MDGA2: variants seen among roughly 807,000 people sequenced by gnomAD.
MDGA2 encodes MAM domain-containing glycosylphosphatidylinositol anchor protein 2.
MDGA2 carries 40 observed loss-of-function variants against 117.8 expected under a neutral mutation model. The ratio of observed to expected loss-of-function variants is 0.34; its 90% CI spans 0.26 to 0.44. The LOEUF (loss-of-function observed/expected upper bound fraction) is 0.44. MDGA2 is among the 20% of genes least tolerant of loss of function. The pLI is 1.00. For synonymous variants in MDGA2, 452 were observed against 439.0 expected (o/e 1.03, Z -0.37); for missense variants, 1,123 against 1,250.6 (o/e 0.90, Z 1.54).
At chr14:47,287,140 G>C (rs535106380) in intron 2 of MDGA2, among the ~76,000 whole-genome samples, 2 of 152,114 alleles carry the variant, frequency 1.3e-5, no homozygotes, top group South Asian at 4.2e-4. Context: ...AGTGGAGACA[G>C]TAGAATTTAA....
intron 1 of MDGA2, among the ~76,000 whole-genome samples, chr14:47,418,916 T>C (rs1892525272): frequency 6.6e-6 from 1 of 152,174 alleles, no homozygotes; most frequent in Non-Finnish European, 1.5e-5. Flanking sequence ...ACTCTATGAA[T>C]TCTGGTGACA....
intron 1 of MDGA2, among the ~76,000 whole-genome samples, chr14:47,489,772 A>T (rs942956315): frequency 1.3e-5 from 2 of 152,082 alleles, no homozygotes; most frequent in African/African-American, 4.8e-5. Context: ...AGAGCTGGGT[A>T]GCACTTGGTT....
intron 1 of MDGA2, among the ~76,000 whole-genome samples, chr14:47,510,060 G>T (rs8019551): frequency 6.6e-6 from 1 of 151,810 alleles, no homozygotes; most frequent in Non-Finnish European, 1.5e-5. Context: ...TTCGTACGTC[G>T]AATTCCTAAC....
chr14:46,850,141 T>A (rs192396814), intron 15 of MDGA2, among the ~76,000 whole-genome samples: 1 of 151,998 alleles, frequency 6.6e-6, no homozygotes, highest in East Asian at 1.9e-4. Context: ...GTAAGTAAAT[T>A]CAAACGGGAA....
intron 2 of MDGA2, among the ~76,000 whole-genome samples, chr14:47,295,002 A>T (rs953575023): frequency 2.0e-5 from 3 of 152,238 alleles, no homozygotes; most frequent in Non-Finnish European, 4.4e-5. Context: ...GGCCTAGCCA[A>T]ATTTTTTTAT....
At chr14:47,484,967 T>C (rs1393943083) in intron 1 of MDGA2, among the ~76,000 whole-genome samples, 1 of 152,124 alleles carries the variant, frequency 6.6e-6, no homozygotes, top group Admixed American at 6.6e-5. Flanking sequence ...AGGTATGTCT[T>C]TATCAGCAGC....
At chr14:47,009,107 C>T (rs1308972161) in intron 8 of MDGA2, among the ~76,000 whole-genome samples, 1 of 151,918 alleles carries the variant, frequency 6.6e-6, no homozygotes, top group Non-Finnish European at 1.5e-5. Flanking sequence ...AGCACTCATT[C>T]GATAGATAAA....
intron 14 of MDGA2, among the ~76,000 whole-genome samples, chr14:46,866,801 T>C (rs1385984950): frequency 1.3e-5 from 2 of 152,060 alleles, no homozygotes; most frequent in Non-Finnish European, 2.9e-5. Context: ...ATGCTCACCA[T>C]CACTGGCCAT....
At position 47,421,601 on chromosome 14, in the gene MDGA2, T is replaced by C. The variant is rs558523157; in HGVS notation, c.281-120051A>G. Among the ~76,000 whole-genome samples, 6 of 152,296 alleles carry C rather than the reference T, an allele frequency of 3.9e-5. No individual in the cohort carries two copies. In the East Asian group the frequency reaches 1.2e-3, roughly 29 times the overall value. ...TGTTGATATTCAGGGAAAATATTTA[T>C]TTTGTATAATGTTGCATAAATAGAG... On this transcript the variant is annotated intron_variant, in intron 1 of 16. Transcript: ENST00000399232.
At position 47,175,150 on chromosome 14, in the gene MDGA2, A is replaced by G. The variant is rs528703119; in HGVS notation, c.596-30876T>C. 8.9e-3 allele frequency among the ~76,000 whole-genome samples: 1,353 copies of G among 151,664 alleles called. 27 individuals are homozygous for G. Among genetic ancestry groups the G allele is most frequent in the African/African-American group, 0.032 (1,300 of 41,132 alleles). On this transcript the variant is annotated intron_variant, in intron 3 of 16. Coordinates refer to ENST00000399232, the MANE Select transcript of MDGA2 (RefSeq NM_001113498.3). ...AATAACAGGCTCTGAAATTGTGGCA[A>G]TAATCAATAGCTTACCAACCAAAAA...
intron 1 of MDGA2, among the ~76,000 whole-genome samples, chr14:47,334,108 C>T (rs1890371772): frequency 6.6e-6 from 1 of 151,768 alleles, no homozygotes; most frequent in South Asian, 2.1e-4. Flanking sequence ...TTGAAATCTT[C>T]AAATGACATA....
At chr14:47,209,197 A>G (rs946614023) in intron 3 of MDGA2, among the ~76,000 whole-genome samples, 2 of 152,044 alleles carry the variant, frequency 1.3e-5, no homozygotes, top group African/African-American at 4.8e-5. Context: ...TCTATTTTTC[A>G]TGTCTCCAAT....
At chr14:47,608,521 G>A (rs1435518978) in intron 1 of MDGA2, among the ~76,000 whole-genome samples, 2 of 152,084 alleles carry the variant, frequency 1.3e-5, no homozygotes, top group Admixed American at 6.6e-5. Flanking sequence ...GTGAATGCAC[G>A]TCCATATATG....
At chr14:47,231,749 G>A (rs1886698976) in intron 2 of MDGA2, among the ~76,000 whole-genome samples, 1 of 133,176 alleles carries the variant, frequency 7.5e-6, no homozygotes, top group Non-Finnish European at 1.7e-5. Flanking sequence ...GAACCTTCGT[G>A]TTGGAAAAAA....
At chr14:47,087,460 C>CAAAAAAAAA (rs749371957) in intron 6 of MDGA2, among the ~76,000 whole-genome samples, 107 of 67,928 alleles carry the variant, frequency 1.6e-3, no homozygotes, top group Middle Eastern at 0.011. Flanking sequence ...GACTCCACAT[C>CAAAAAAAAA]AAAAAAAAAA....
intron 1 of MDGA2, among the ~76,000 whole-genome samples, chr14:47,345,073 T>G (rs1325764508): frequency 6.6e-6 from 1 of 152,100 alleles, no homozygotes; most frequent in East Asian, 1.9e-4. Context: ...TTTTCTCACA[T>G]TTCTCTCCTT....
intron 1 of MDGA2, among the ~76,000 whole-genome samples, chr14:47,649,321 C>T (rs1021079827): frequency 4.6e-5 from 7 of 152,184 alleles, no homozygotes; most frequent in African/African-American, 1.4e-4. Flanking sequence ...CATGGATCTA[C>T]CCATTAATTC....
chr14:47,292,425 C>T (rs1464452416), intron 2 of MDGA2, among the ~76,000 whole-genome samples: 1 of 152,154 alleles, frequency 6.6e-6, no homozygotes, highest in Admixed American at 6.5e-5. Context: ...GGGAAATAAC[C>T]GTAGATCAAT....
intron 5 of MDGA2, among the ~76,000 whole-genome samples, chr14:47,116,078 A>T (rs1881313430): frequency 6.6e-6 from 1 of 152,200 alleles, no homozygotes; most frequent in Non-Finnish European, 1.5e-5. Flanking sequence ...TGCAGGATAC[A>T]AAATAAATGT....
Sources: allele counts gnomAD v4.1 joint callset (sites outside exome capture counted in the v4.1 genomes callset), GRCh38; gene constraint gnomAD v4.1.1; transcripts MANE v1.5; gene names NCBI Gene and HGNC (gene_info 2026-07-23, HGNC 2026-07-21).